The following MAPDA variants were observed in gnomAD, a reference collection of about 807,000 sequenced individuals.
MAPDA encodes the protein N6-Methyl-AMP deaminase.
At chr15:43,353,168 A>T in the MAPDA span, 1 of 152,094 alleles carries the variant, frequency 6.6e-6, no homozygotes, top group Non-Finnish European at 1.5e-5. Context: ...GTCTCTTGTA[A>T]CCCTACCCCT....
At chr15:43,351,024 C>A in the MAPDA span, 4 of 1,551,408 alleles carry the variant, frequency 2.6e-6, no homozygotes, top group African/African-American at 5.5e-5. Flanking sequence ...CAGCATTGCC[C>A]ATCCTTCTGT....
the MAPDA span, among the ~76,000 whole-genome samples, chr15:43,342,287 G>A: frequency 6.6e-6 from 1 of 152,040 alleles, no homozygotes; most frequent in African/African-American, 2.4e-5. Flanking sequence ...TTGCTCTGGA[G>A]AGTGCTCTTG....
At chr15:43,349,558 G>C in the MAPDA span, 1 of 166,056 alleles carries the variant, frequency 6.0e-6, no homozygotes, top group Admixed American at 6.4e-5. Context: ...CTAGCAGAGG[G>C]AAGACAGTAA....
chr15:43,331,120 A>C, the MAPDA span, among the ~76,000 whole-genome samples: 2 of 152,270 alleles, frequency 1.3e-5, no homozygotes, highest in African/African-American at 2.4e-5. Context: ...CCTAACAAGA[A>C]GACGTTTCCC....
At chr15:43,346,882 A>G in the MAPDA span, 6 of 694,728 alleles carry the variant, frequency 8.6e-6, no homozygotes, top group Non-Finnish European at 1.2e-5. Context: ...TAGGTGCTTT[A>G]TAAACAAGAT....
At chr15:43,345,722 G>GT in the MAPDA span, 1 of 1,080,900 alleles carries the variant, frequency 9.3e-7, no homozygotes, top group African/African-American at 1.6e-5. Flanking sequence ...ATGTTGTCTA[G>GT]ATTCAGTCAG....
chr15:43,335,695 G>A, the MAPDA span: 1 of 1,604,968 alleles, frequency 6.2e-7, no homozygotes, highest in Non-Finnish European at 8.5e-7. Context: ...GTATCTCTTA[G>A]GAACTTCATG....
the MAPDA span, chr15:43,340,373 C>G: frequency 1.3e-6 from 2 of 1,588,080 alleles, no homozygotes; most frequent in Admixed American, 3.4e-5. Context: ...TACTTCTCAG[C>G]AAATGTACTG....
the MAPDA span, among the ~76,000 whole-genome samples, chr15:43,334,633 T>TTTATATATATATATATA: frequency 1.5e-5 from 1 of 65,142 alleles, no homozygotes; most frequent in Non-Finnish European, 4.7e-5. Context: ...CTCAAAAAAA[T>TTTATATATATATATATA]TATATATATA....
the MAPDA span, among the ~76,000 whole-genome samples, chr15:43,336,344 A>C: frequency 0.29 from 43,425 of 152,080 alleles, 9,917 homozygotes; most frequent in African/African-American, 0.63. Context: ...TATACCCAGC[A>C]TGTGATAGTC....
chr15:43,342,869 C>T, the MAPDA span: 1 of 639,296 alleles, frequency 1.6e-6, no homozygotes, highest in Admixed American at 3.5e-5. Context: ...TGTTTTCACT[C>T]ATCTTTAACT....
the MAPDA span, among the ~76,000 whole-genome samples, chr15:43,338,090 A>G: frequency 6.6e-6 from 1 of 152,250 alleles, no homozygotes; most frequent in Non-Finnish European, 1.5e-5. Context: ...AAACTTTGAC[A>G]GTTTAATACT....
chr15:43,335,227 T>G, the MAPDA span: 5 of 1,565,978 alleles, frequency 3.2e-6, no homozygotes, highest in African/African-American at 6.8e-5. Flanking sequence ...ACTTTGATGT[T>G]GCTTCTTTTC....
chr15:43,348,869 A>G, the MAPDA span: 1 of 1,601,956 alleles, frequency 6.2e-7, no homozygotes, highest in Non-Finnish European at 8.5e-7. Context: ...AGAACCACTG[A>G]AAGAGGCCAT....
chr15:43,341,924 C>T, the MAPDA span, among the ~76,000 whole-genome samples: 9 of 151,974 alleles, frequency 5.9e-5, no homozygotes, highest in Non-Finnish European at 1.0e-4. Flanking sequence ...CTGCAACCTC[C>T]GCCTCCAAGG....
the MAPDA span, chr15:43,351,997 C>T: frequency 6.7e-7 from 1 of 1,502,706 alleles, no homozygotes; most frequent in South Asian, 1.3e-5. Flanking sequence ...AAGTTCCTGC[C>T]ATATCCCACT....
At chr15:43,339,807 C>G in the MAPDA span, among the ~76,000 whole-genome samples, 3 of 152,160 alleles carry the variant, frequency 2.0e-5, no homozygotes, top group African/African-American at 7.2e-5. Context: ...TCCTAAATAA[C>G]TTGAATAAAA....
the MAPDA span, among the ~76,000 whole-genome samples, chr15:43,348,530 T>C: frequency 5.3e-5 from 8 of 152,240 alleles, no homozygotes; most frequent in Admixed American, 5.2e-4. Context: ...TATGAACACA[T>C]GTCTATAACG....
the MAPDA span, among the ~76,000 whole-genome samples, chr15:43,338,570 G>A: frequency 6.6e-6 from 1 of 152,220 alleles, no homozygotes; most frequent in Non-Finnish European, 1.5e-5. Context: ...TCCCATTCAA[G>A]CTTATACAGT....
Sources: gnomAD v4.1 joint callset for allele counts (sites outside exome capture counted in the v4.1 genomes callset) on GRCh38, gnomAD v4.1.1 for gene constraint, MANE v1.5 for transcripts, NCBI Gene and HGNC (gene_info 2026-07-23, HGNC 2026-07-21) for gene names.